DGKE: variants seen among roughly 807,000 people sequenced by gnomAD.
DGKE encodes diacylglycerol kinase epsilon, also known as DAG kinase epsilon.
Under a neutral mutation model 70.0 loss-of-function variants are expected in DGKE, and 53 were observed. The ratio of observed to expected loss-of-function variants is 0.76; its 90% CI spans 0.61 to 0.95. The LOEUF (loss-of-function observed/expected upper bound fraction) is 0.95. Ranked by LOEUF, DGKE falls within the 40% of genes least tolerant of loss-of-function variation. The probability of loss-of-function intolerance (pLI) is 0.00; values close to 1 mark genes in which losing one functional copy is unlikely to be tolerated. For missense variants in DGKE, 655 were observed against 706.9 expected (o/e 0.93, Z 0.83); for synonymous variants, 291 against 257.0 (o/e 1.13, Z -1.27).
At chr17:56,843,906 T>C (rs1907137201) in intron 2 of DGKE, 113 bp from the exon 3 acceptor site, 17 of 997,940 alleles carry the variant, frequency 1.7e-5, no homozygotes, top group South Asian at 2.1e-5. Flanking sequence ...CCAAATGTTA[T>C]GGTAAGTAGT....
chr17:56,848,952 AT>A (rs1907481457), intron 6 of DGKE, 99 bp downstream of exon 6: 1 of 1,522,198 alleles, frequency 6.6e-7, no homozygotes, highest in Admixed American at 1.8e-5. Flanking sequence ...TGTAATTTAA[AT>A]GTGAAAGACT....
Position 56,845,788 on chromosome 17 carries a change from G to A in DGKE, c.723G>A (p.Arg241=), listed in dbSNP as rs749165276. 16 of 1,606,490 alleles carry A rather than the reference G, an allele frequency of 1.0e-5. No individual in the cohort carries two copies. In the South Asian group the frequency reaches 1.8e-4, roughly 18 times the overall value. ...GAGAAGGACTGTTGGGAGAATTTAGGATCTTGTTGAATCCAGTCCAGGTAA... is the reference window on the plus strand; with the variant it reads ...GAGAAGGACTGTTGGGAGAATTTAGAATCTTGTTGAATCCAGTCCAGGTAA... ...NMGEGLLGEF[R]ILLNPVQVFD... The change falls in exon 4 of 12, where the codon AGG becomes AGA. Residue 241 remains arginine, a synonymous_variant. Coordinates refer to ENST00000284061, the MANE Select transcript of DGKE (RefSeq NM_003647.3).
At position 56,834,935 on chromosome 17, in the gene DGKE, G is replaced by T. The variant is rs748367577; in HGVS notation, c.140G>T (p.Arg47Leu). Residue 47 changes from arginine to leucine, a missense_variant, in exon 2 of 12, where the codon CGG becomes CTG. By Grantham distance (102) the Arg-to-Leu change is moderately radical. Transcript: ENST00000284061. ...TGGTGTAGCCTCCAGCGGTCGCGCC[G>T]GCAGCTGCACCGCAGGGACATCTTC... is the stretch of plus-strand genomic sequence containing the variant. ...TFWCSLQRSRRQLHRRDIFRK... is the reference protein window; with the variant it reads ...TFWCSLQRSRLQLHRRDIFRK... 1 of 1,613,296 alleles carries T rather than the reference G, an allele frequency of 6.2e-7. No individual in the cohort carries two copies. Among genetic ancestry groups the T allele is most frequent in the South Asian group, 1.1e-5 (1 of 91,060 alleles).
intron 2 of DGKE, among the ~76,000 whole-genome samples, chr17:56,839,308 A>AT (rs1906819431): frequency 6.6e-6 from 1 of 152,186 alleles, no homozygotes; most frequent in Non-Finnish European, 1.5e-5. Flanking sequence ...ATTTTTCAAA[A>AT]TAAAAAGAAA....
intron 5 of DGKE, 38 bp from the exon 6 acceptor site, chr17:56,848,658 C>T: frequency 1.3e-6 from 2 of 1,598,580 alleles, no homozygotes; most frequent in Non-Finnish European, 1.7e-6. Context: ...AGCAAATAGT[C>T]TGAGAGAAAA....
chr17:56,845,756 AAT>A lies in DGKE; in HGVS notation c.694_695del (p.Met232GlyfsTer9). ...IILANSRSGT[N>X]MGEGLLGEFR... is the part of the protein sequence containing the mutation. ...CCTGGCCAACTCTCGTAGTGGAACT[AAT>A]ATGGGAGAAGGACTGTTGGGAGAAT... is the stretch of plus-strand genomic sequence containing the variant. On this transcript the variant is annotated frameshift_variant, in exon 4 of 12. Coordinates refer to ENST00000284061, the MANE Select transcript of DGKE (RefSeq NM_003647.3). LOFTEE classifies it high-confidence loss of function. The A allele has an allele frequency of 6.2e-7, 1 of 1,612,766 alleles. No homozygotes were observed. The highest frequency in any genetic ancestry group is 8.5e-7 in the Non-Finnish European group (1 of 1,179,258).
chr17:56,855,293 A>G (rs1474439789), intron 7 of DGKE, among the ~76,000 whole-genome samples: 1 of 152,214 alleles, frequency 6.6e-6, no homozygotes, highest in Non-Finnish European at 1.5e-5. Context: ...CATGAAAAGA[A>G]CAAGTGACCA....
chr17:56,845,468 T>C (rs1246486102), intron 3 of DGKE, among the ~76,000 whole-genome samples: 1 of 152,194 alleles, frequency 6.6e-6, no homozygotes, highest in African/African-American at 2.4e-5. Context: ...ATGACTTATC[T>C]AGAATAATGT....
In DGKE at chr17:56,864,336, T is replaced by C. The variant is rs540770501; in HGVS notation, c.*1545T>C. The C allele has an allele frequency of 2.0e-5, 3 of 152,386 alleles. No homozygotes were observed. Among genetic ancestry groups the C allele is most frequent in the East Asian group, 1.9e-4 (1 of 5,186 alleles). The allele number at this position is 152,386 out of a possible 1,614,324, so 9.4% of individuals were successfully genotyped here. On this transcript the variant is annotated 3_prime_UTR_variant, in exon 12 of 12. Transcript: ENST00000284061. ...TATCTTTGAGGGTCTATTATGAATC[T>C]GTCATCCATGAATTGCCATAAACCT...
chr17:56,835,924 A>T (rs999182916), intron 2 of DGKE: 1 of 152,250 alleles, frequency 6.6e-6, no homozygotes, highest in Admixed American at 6.5e-5. Flanking sequence ...AAATAGGTGA[A>T]GATGTCCTTT....
At position 56,856,553 on chromosome 17, in the gene DGKE, T is replaced by G. The variant is rs1221729854; in HGVS notation, c.1140T>G (p.Ala380=). Residue 380 remains alanine (A), a synonymous_variant, in exon 8 of 12, where the codon GCT becomes GCG. Transcript: ENST00000284061. Reference sequence around the variant, plus strand: ...ACTATTTTTCTGTTGGACCTGATGCTCTCATGGCTCTCAATTTTCATGCTC... The same window carrying G: ...ACTATTTTTCTGTTGGACCTGATGCGCTCATGGCTCTCAATTTTCATGCTC... ...MNNYFSVGPD[A]LMALNFHAHR... The G allele has an allele frequency of 1.9e-6, 3 of 1,613,960 alleles. No individual in the cohort carries two copies. Among genetic ancestry groups the G allele is most frequent in the Non-Finnish European group, 2.5e-6 (3 of 1,179,960 alleles).
chr17:56,836,742 G>T (rs536592406), intron 2 of DGKE, among the ~76,000 whole-genome samples: 2 of 152,268 alleles, frequency 1.3e-5, no homozygotes, highest in Admixed American at 1.3e-4. Flanking sequence ...GGGTACATAA[G>T]GTCCTAGTAC....
intron 11 of DGKE, 139 bp downstream of exon 11, chr17:56,862,390 G>T (rs983023826): frequency 4.4e-6 from 4 of 904,416 alleles, no homozygotes; most frequent in Non-Finnish European, 6.6e-6. Flanking sequence ...CTAGCGGCTA[G>T]AGTGGGATGA....
intron 2 of DGKE, chr17:56,838,465 C>T (rs370827486): frequency 2.8e-4 from 42 of 152,296 alleles, no homozygotes; most frequent in South Asian, 1.0e-3. Context: ...CAGCCATGGA[C>T]AATACATAAA....
chr17:56,847,759 A>G lies in DGKE; in HGVS notation c.745-163A>G, dbSNP rs567714315. Reference sequence around the variant, plus strand: ...TGTAAAGTCAGTGTGGGGATGAGCTACAATGAATATAAAGAGTCTGGCAGG... The same window carrying G: ...TGTAAAGTCAGTGTGGGGATGAGCTGCAATGAATATAAAGAGTCTGGCAGG... On this transcript the variant is annotated intron_variant, in intron 4 of 11. Coordinates refer to ENST00000284061, the MANE Select transcript of DGKE (RefSeq NM_003647.3). The G allele has an allele frequency of 1.8e-5, 7 of 378,768 alleles. No individual in the cohort carries two copies. In the South Asian group the frequency reaches 4.2e-4, roughly 23 times the overall value. The allele number at this position is 378,768 out of a possible 1,614,324, so 23.5% of individuals were successfully genotyped here.
intron 9 of DGKE, among the ~76,000 whole-genome samples, chr17:56,860,628 C>T (rs933302101): frequency 6.6e-6 from 1 of 152,172 alleles, no homozygotes; most frequent in African/African-American, 2.4e-5. Context: ...AACTGCAATA[C>T]GTAACCTAGG....
Position 56,844,034 on chromosome 17 carries a change from G to C in DGKE, c.480G>C (p.Gln160His). The change falls in exon 3 of 12, where the codon CAG becomes CAC. Residue 160 changes from glutamine (Q) to histidine (H), a missense_variant. Coordinates refer to ENST00000284061, the MANE Select transcript of DGKE (RefSeq NM_003647.3). ...KLCDYRCIWCQKTVHDECMKN... is the reference protein window; with the variant it reads ...KLCDYRCIWCHKTVHDECMKN... The stretch of plus-strand genomic sequence containing the variant: ...CTTCCCTCAGGTGCATTTGGTGCCA[G>C]AAAACAGTACATGATGAGTGCATGA... 1 of 1,541,548 alleles carries C rather than the reference G, an allele frequency of 6.5e-7. No individual in the cohort carries two copies. The highest frequency in any genetic ancestry group is 2.3e-5 in the Admixed American group (1 of 43,210).
At chr17:56,857,854 C>T (rs1908041400) in intron 8 of DGKE, among the ~76,000 whole-genome samples, 1 of 152,032 alleles carries the variant, frequency 6.6e-6, no homozygotes, top group Admixed American at 6.6e-5. Context: ...GTGGGTAGAT[C>T]ACGAGGTCAG....
intron 2 of DGKE, among the ~76,000 whole-genome samples, chr17:56,837,986 T>A (rs944850300): frequency 3.3e-5 from 5 of 152,212 alleles, no homozygotes; most frequent in Admixed American, 6.5e-5. Flanking sequence ...CCACTACATC[T>A]TCTTTTTCTT....
Sources: allele counts gnomAD v4.1 joint callset (sites outside exome capture counted in the v4.1 genomes callset), GRCh38; gene constraint gnomAD v4.1.1; transcripts MANE v1.5; gene names NCBI Gene and HGNC (gene_info 2026-07-23, HGNC 2026-07-21).